The following RGS12 variants were observed in gnomAD, a reference collection of about 807,000 sequenced individuals.
RGS12 encodes the protein regulator of G-protein signaling 12.
A neutral mutation model predicts 120.1 loss-of-function variants in RGS12; 66 were observed. That is an observed-to-expected ratio of 0.55 (90% CI 0.45 to 0.67). The LOEUF is 0.67. RGS12 is among the 30% of genes least tolerant of loss of function. The probability of loss-of-function intolerance (pLI) is 0.00; values close to 1 mark genes in which losing one functional copy is unlikely to be tolerated. For synonymous variants in RGS12, 827 were observed against 804.7 expected (o/e 1.03, Z -0.47); for missense variants, 1,859 against 1,957.7 (o/e 0.95, Z 0.95).
chr4:3,422,325 C>T (rs1417306207), intron 10 of RGS12, 51 bp from the exon 11 acceptor site: 7 of 1,544,560 alleles, frequency 4.5e-6, no homozygotes, highest in Middle Eastern at 1.7e-4. Flanking sequence ...AGGTGCCCCG[C>T]ACCCCTGTGA....
chr4:3,397,627 AG>A (rs1429725643), intron 4 of RGS12, among the ~76,000 whole-genome samples: 1 of 152,164 alleles, frequency 6.6e-6, no homozygotes, highest in Non-Finnish European at 1.5e-5. Context: ...AGGAGCAGAT[AG>A]GGGGGTGATA....
At chr4:3,322,168 A>G (rs776426991) in intron 2 of RGS12, among the ~76,000 whole-genome samples, 41 of 152,144 alleles carry the variant, frequency 2.7e-4, no homozygotes, top group Admixed American at 3.9e-4. Context: ...CGGCATTTCT[A>G]CGTCTCCTTG....
Position 3,430,768 on chromosome 4 carries a change from G to A in RGS12, c.3927G>A (p.Ala1309=), listed in dbSNP as rs747696519. ...FCTPQSPVSL[A]QEGTAQIWKR... is the part of the protein sequence containing the mutation. ...CTCCCCAGTCCCCCGTCTCCCTCGC[G>A]CAGGAGGGCACCGCCCAGATCTGGA... The change falls in exon 17 of 18, where the codon GCG becomes GCA. Residue 1309 remains alanine (A), a synonymous_variant. Coordinates refer to ENST00000336727, the MANE Select transcript of RGS12 (RefSeq NM_001394154.1). 1.9e-5 allele frequency: 30 copies of A among 1,610,188 alleles called. No individual in the cohort carries two copies. Among genetic ancestry groups the A allele is most frequent in the African/African-American group, 2.7e-5 (2 of 74,802 alleles).
chr4:3,301,170 T>C (rs965276772), intron 1 of RGS12, among the ~76,000 whole-genome samples: 1 of 150,896 alleles, frequency 6.6e-6, no homozygotes, highest in East Asian at 1.9e-4. Flanking sequence ...CCGGCTGCCC[T>C]CCTCTGTAAC....
At chr4:3,346,554 C>T (rs867368393) in intron 3 of RGS12, among the ~76,000 whole-genome samples, 1 of 152,142 alleles carries the variant, frequency 6.6e-6, no homozygotes, top group Non-Finnish European at 1.5e-5. Flanking sequence ...CATTTAGTTT[C>T]AGCTTATAGG....
rs1717468649 is a variant in RGS12 at position 3,374,882 on chromosome 4, G to A, written c.1999-11534G>A. Among the ~76,000 whole-genome samples, 2 of 152,188 alleles carry A rather than the reference G, an allele frequency of 1.3e-5. No individual in the cohort carries two copies. Among genetic ancestry groups the A allele is most frequent in the Admixed American group, 1.3e-4 (2 of 15,288 alleles). On this transcript the variant is annotated intron_variant, in intron 3 of 17. Transcript: ENST00000336727. The surrounding 1 kb of genome is among the most constrained non-coding windows in gnomAD (Gnocchi z 6.3). Reference sequence around the variant, plus strand: ...TCTGCCTTGGACTGGGCTCTGCGGGGCAGGGCTGCCAGTTTGGGGTTTGCA... The same window carrying A: ...TCTGCCTTGGACTGGGCTCTGCGGGACAGGGCTGCCAGTTTGGGGTTTGCA...
At chr4:3,321,030 A>C (rs977703519) in intron 2 of RGS12, among the ~76,000 whole-genome samples, 2 of 152,184 alleles carry the variant, frequency 1.3e-5, no homozygotes, top group African/African-American at 4.8e-5. Flanking sequence ...CCGGATTCTT[A>C]GTGACGGGGA....
chr4:3,300,185 G>C (rs1723606041), intron 1 of RGS12, among the ~76,000 whole-genome samples: 1 of 152,246 alleles, frequency 6.6e-6, no homozygotes, highest in South Asian at 2.1e-4. Flanking sequence ...TCGCCTCGGA[G>C]GCGCCCAGGC....
At chr4:3,313,808 C>G (rs1724564229) in intron 1 of RGS12, among the ~76,000 whole-genome samples, 1 of 152,160 alleles carries the variant, frequency 6.6e-6, no homozygotes, top group Non-Finnish European at 1.5e-5. Flanking sequence ...CAGGCGCACC[C>G]CACACTCTCC....
Position 3,389,864 on chromosome 4 carries a change from C to T in RGS12, c.2020+3427C>T, listed in dbSNP as rs549817574. Among the ~76,000 whole-genome samples, 2 of 152,292 alleles carry T rather than the reference C, an allele frequency of 1.3e-5. No individual in the cohort carries two copies. The highest frequency in any genetic ancestry group is 4.1e-4 in the South Asian group (2 of 4,824). On this transcript the variant is annotated intron_variant, in intron 4 of 17. Coordinates refer to ENST00000336727, the MANE Select transcript of RGS12 (RefSeq NM_001394154.1). This position sits in a 1 kb window ranked among gnomAD's most constrained non-coding sequence, Gnocchi z 5.2. ...CTTCTCAAACACTCCGTTCTCGCAG[C>T]CTCACCCTGGGGACCCCCGACACGT...
intron 1 of RGS12, among the ~76,000 whole-genome samples, chr4:3,297,043 T>C (rs1054009294): frequency 2.0e-5 from 3 of 152,242 alleles, no homozygotes; most frequent in African/African-American, 7.2e-5. Flanking sequence ...CAAGGAACTC[T>C]TGTGTTAGAA....
At chr4:3,411,391 C>T (rs867875579) in intron 4 of RGS12, among the ~76,000 whole-genome samples, 22 of 151,836 alleles carry the variant, frequency 1.4e-4, no homozygotes, top group Non-Finnish European at 2.4e-4. Flanking sequence ...TGTGTGTTCT[C>T]GTGTTAGGCC....
At chr4:3,347,172 C>T (rs1466239818) in intron 3 of RGS12, among the ~76,000 whole-genome samples, 4 of 152,300 alleles carry the variant, frequency 2.6e-5, no homozygotes, top group East Asian at 1.9e-4. Flanking sequence ...TGGCCAGGCA[C>T]GGTGGCTCAC....
intron 3 of RGS12, among the ~76,000 whole-genome samples, chr4:3,354,601 C>G (rs1182783173): frequency 6.6e-6 from 1 of 152,222 alleles, no homozygotes; most frequent in Non-Finnish European, 1.5e-5. Context: ...TGTAAACCAA[C>G]AGCAAAATGT....
At chr4:3,422,698 A>G in intron 11 of RGS12, 128 bp downstream of exon 11, 3 of 1,153,324 alleles carry the variant, frequency 2.6e-6, no homozygotes, top group South Asian at 3.0e-5. Flanking sequence ...CCTGGGGCGG[A>G]GGCCGGATTA....
intron 2 of RGS12, among the ~76,000 whole-genome samples, chr4:3,329,821 T>C (rs925874535): frequency 7.1e-6 from 1 of 141,532 alleles, no homozygotes; most frequent in African/African-American, 3.1e-5. Context: ...GTGCAAAATT[T>C]CAGTCTATTA....
intron 17 of RGS12, among the ~76,000 whole-genome samples, chr4:3,438,373 G>A (rs964985417): frequency 4.6e-5 from 7 of 151,952 alleles, no homozygotes; most frequent in African/African-American, 1.7e-4. Flanking sequence ...CACAGATGGG[G>A]GGGTGGGGTC....
chr4:3,306,418 G>A (rs1190085286), intron 1 of RGS12, among the ~76,000 whole-genome samples: 2 of 152,248 alleles, frequency 1.3e-5, no homozygotes, highest in African/African-American at 4.8e-5. Flanking sequence ...GAGTGTGAGT[G>A]TGGGGGCAAA....
chr4:3,424,192 G>A (rs939001391), intron 13 of RGS12, among the ~76,000 whole-genome samples: 4 of 152,268 alleles, frequency 2.6e-5, no homozygotes, highest in Non-Finnish European at 5.9e-5. Context: ...GCGAGATGGC[G>A]AGAGCTGGGC....
Sources: allele counts gnomAD v4.1 joint callset (sites outside exome capture counted in the v4.1 genomes callset), GRCh38; gene constraint gnomAD v4.1.1; non-coding constraint Gnocchi (gnomAD v3.1); transcripts MANE v1.5; gene names NCBI Gene and HGNC (gene_info 2026-07-23, HGNC 2026-07-21).